The following UBE2D3 variants were observed in gnomAD, a reference collection of about 807,000 sequenced individuals.
UBE2D3 encodes the protein ubiquitin conjugating enzyme E2 D3, also known as ubiquitin-conjugating enzyme E2 D3.
In UBE2D3, 2 loss-of-function variants were observed where a neutral mutation model predicts 22.8. The observed-to-expected ratio is 0.09, with a 90% CI of 0.04 to 0.28. The LOEUF (loss-of-function observed/expected upper bound fraction) is 0.28, where lower values mean the gene tolerates loss of function less well. Among genes scored for constraint, UBE2D3 ranks in the 10% least tolerant of loss-of-function variants. UBE2D3 has a pLI of 1.00. For synonymous variants in UBE2D3, 56 were observed against 60.4 expected, an observed-to-expected ratio of 0.93 and a Z score of 0.34; for missense variants, 27 against 182.5, an observed-to-expected ratio of 0.15 and a Z score of 4.91.
chr4:102,844,186 A>C (rs1731919275), intron 1 of UBE2D3: 1 of 152,214 alleles, frequency 6.6e-6, no homozygotes, highest in Non-Finnish European at 1.5e-5. Flanking sequence ...ATGTGGTATG[A>C]ATCACCATGG....
upstream of UBE2D3, chr4:102,827,590 G>C: frequency 2.0e-6 from 2 of 987,044 alleles, no homozygotes; most frequent in Non-Finnish European, 2.4e-6. Context: ...CCCTCCTCCT[G>C]CCTCTTCACC....
chr4:102,838,720 T>C (rs1359216821), intron 1 of UBE2D3, among the ~76,000 whole-genome samples: 3 of 142,390 alleles, frequency 2.1e-5, no homozygotes, highest in South Asian at 2.1e-4. Flanking sequence ...GGGATACTAA[T>C]ACAGTAGTTC....
chr4:102,800,539 A>G (rs1375052163), intron 6 of UBE2D3, among the ~76,000 whole-genome samples: 4 of 152,114 alleles, frequency 2.6e-5, no homozygotes, highest in African/African-American at 4.8e-5. Context: ...TTGGAAACTG[A>G]TATTTAGGTA....
chr4:102,847,206 C>T (rs539007402), intron 1 of UBE2D3, among the ~76,000 whole-genome samples: 45 of 152,146 alleles, frequency 3.0e-4, no homozygotes, highest in Admixed American at 9.2e-4. Context: ...ACAAATCTAC[C>T]ATATCTGCCC....
intron 4 of UBE2D3, among the ~76,000 whole-genome samples, chr4:102,803,153 C>A (rs1264188903): frequency 6.6e-6 from 1 of 152,170 alleles, no homozygotes; most frequent in Admixed American, 6.5e-5. Flanking sequence ...CCAGAAAATA[C>A]ATGCATTGCC....
In UBE2D3 at chr4:102,809,505, A is replaced by C. The variant is rs573752891; in HGVS notation, c.120+167T>G. ...GGATAGACACAAAGTACACGTAACAAATGACTAACTCATTATGTTTTTTCT... is the reference window on the plus strand; with the variant it reads ...GGATAGACACAAAGTACACGTAACACATGACTAACTCATTATGTTTTTTCT... On this transcript the variant is annotated intron_variant, in intron 4 of 7. Coordinates refer to ENST00000453744, the MANE Select transcript of UBE2D3 (RefSeq NM_181891.3). 8.4e-5 allele frequency: 62 copies of C among 736,196 alleles called. No homozygotes were observed. In the African/African-American group the frequency reaches 8.6e-4, roughly 10 times the overall value. The allele number at this position is 736,196 out of a possible 1,614,324, so 45.6% of individuals were successfully genotyped here.
chr4:102,846,848 T>A (rs1732062598), intron 1 of UBE2D3, among the ~76,000 whole-genome samples: 1 of 151,680 alleles, frequency 6.6e-6, no homozygotes, highest in African/African-American at 2.4e-5. Context: ...CTTGCTGTGT[T>A]GCCTAGGCTA....
rs74470310 is a variant in UBE2D3, at chr4:102,810,020, T to C, written c.25-165A>G. The C allele has an allele frequency of 3.4e-3, 2,168 of 639,606 alleles. 19 individuals are homozygous for C. Among genetic ancestry groups the C allele is most frequent in the African/African-American group, 0.03 (1,624 of 54,298 alleles). The allele number at this position is 639,606 out of a possible 1,614,324, so 39.6% of individuals were successfully genotyped here. The stretch of plus-strand genomic sequence containing the variant: ...AGGAGAGAGAACATGCCTGAACATA[T>C]GCTGAGACAATCATCTTAGCTAGAG... On this transcript the variant is annotated intron_variant, in intron 2 of 7. Transcript: ENST00000453744.
chr4:102,851,557 T>C (rs1236808022), intron 1 of UBE2D3, among the ~76,000 whole-genome samples: 1 of 152,256 alleles, frequency 6.6e-6, no homozygotes, highest in Non-Finnish European at 1.5e-5. Flanking sequence ...TTCCATTACC[T>C]AGCTCACCTA....
intron 1 of UBE2D3, among the ~76,000 whole-genome samples, chr4:102,853,630 C>A (rs1030378086): frequency 5.3e-5 from 8 of 151,782 alleles, no homozygotes; most frequent in African/African-American, 1.7e-4. Context: ...TTGTATTTTT[C>A]TGTAAAATAT....
At chr4:102,854,269 T>C (rs1296345417) in intron 1 of UBE2D3, among the ~76,000 whole-genome samples, 2 of 152,326 alleles carry the variant, frequency 1.3e-5, no homozygotes, top group Non-Finnish European at 2.9e-5. Flanking sequence ...CAAATGTGTA[T>C]ATTTTTTAAG....
chr4:102,825,446 A>T, intron 2 of UBE2D3: 3 of 1,139,386 alleles, frequency 2.6e-6, no homozygotes, highest in Non-Finnish European at 3.3e-6. Flanking sequence ...CGCGATATAA[A>T]AGTTAACATT....
chr4:102,808,031 G>C (rs748782845), intron 4 of UBE2D3, among the ~76,000 whole-genome samples: 2 of 152,182 alleles, frequency 1.3e-5, no homozygotes, highest in Non-Finnish European at 2.9e-5. Context: ...CTGAATCAAA[G>C]ATGAGCTTTA....
intron 2 of UBE2D3, among the ~76,000 whole-genome samples, chr4:102,823,526 A>G (rs76087045): frequency 6.6e-6 from 1 of 152,218 alleles, no homozygotes; most frequent in South Asian, 2.1e-4. Context: ...GGGTGTATAC[A>G]ATGAAAACAT....
chr4:102,800,971 G>A (rs1726066434), intron 6 of UBE2D3, among the ~76,000 whole-genome samples: 1 of 151,952 alleles, frequency 6.6e-6, no homozygotes, highest in Admixed American at 6.6e-5. Flanking sequence ...ATTTTAGACT[G>A]TCATTAGGTA....
chr4:102,819,069 G>A (rs773205839), intron 2 of UBE2D3, among the ~76,000 whole-genome samples: 14 of 152,132 alleles, frequency 9.2e-5, no homozygotes, highest in Non-Finnish European at 1.8e-4. Context: ...GGTGGCTCAC[G>A]CTTGTAATCC....
upstream of UBE2D3, among the ~76,000 whole-genome samples, chr4:102,828,912 C>T (rs2110342637): frequency 6.6e-6 from 1 of 152,308 alleles, no homozygotes; most frequent in South Asian, 2.1e-4. Context: ...GGTTTTTTAA[C>T]ATTCCTTAAT....
At chr4:102,827,330 C>G (rs1044769993) in intron 1 of UBE2D3, 97 bp downstream of exon 1, 1 of 973,674 alleles carries the variant, frequency 1.0e-6, no homozygotes, top group Middle Eastern at 5.2e-4. Flanking sequence ...AATAGGCTGG[C>G]CGCTCAAGCC....
chr4:102,827,981 G>T (rs991674118), upstream of UBE2D3: 11 of 985,390 alleles, frequency 1.1e-5, no homozygotes, highest in Non-Finnish European at 1.2e-5. Context: ...GAACTTCGTG[G>T]CTGGCTAACC....
Sources: gnomAD v4.1 joint callset for allele counts (sites outside exome capture counted in the v4.1 genomes callset) on GRCh38, gnomAD v4.1.1 for gene constraint, MANE v1.5 for transcripts, NCBI Gene and HGNC (gene_info 2026-07-23, HGNC 2026-07-21) for gene names.